Variants in SMAD5 observed in about 807,000 individuals in gnomAD.
SMAD5 encodes the protein SMAD family member 5.
In SMAD5, 9 loss-of-function variants were observed where a neutral mutation model predicts 43.1. That is an observed-to-expected ratio of 0.21 (90% CI 0.13 to 0.36). The LOEUF is 0.36. Ranked by LOEUF, SMAD5 falls within the 10% of genes least tolerant of loss-of-function variation. SMAD5 has a pLI of 1.00. For synonymous variants in SMAD5, 190 were observed against 192.4 expected (o/e 0.99, Z 0.10); for missense variants, 348 against 574.0 (o/e 0.61, Z 4.02).
intron 3 of SMAD5, among the ~76,000 whole-genome samples, chr5:136,159,240 A>G (rs1440061710): frequency 1.3e-5 from 2 of 152,196 alleles, no homozygotes; most frequent in African/African-American, 2.4e-5. Context: ...ATGCTGCCTC[A>G]TTTGCCCTAA....
At chr5:136,135,024 T>G (rs1752826993) in intron 1 of SMAD5, 1 of 152,150 alleles carries the variant, frequency 6.6e-6, no homozygotes, top group Non-Finnish European at 1.5e-5. Flanking sequence ...GAATAAAATA[T>G]TTTCGTAGGT....
At chr5:136,163,189 T>C in intron 4 of SMAD5, 83 bp from the exon 5 acceptor site, 1 of 1,211,496 alleles carries the variant, frequency 8.3e-7, no homozygotes, top group Non-Finnish European at 1.1e-6. Flanking sequence ...AGCTTGCTGG[T>C]AATCTTAAGA....
Position 136,153,986 on chromosome 5 carries a change from C to T in SMAD5, c.226C>T (p.Leu76=). ...TATTCCCAGATCTTTAGATGGACGC[C>T]TGCAGGTTTCTCACAGAAAAGGCTT... ...VTIPRSLDGR[L]QVSHRKGLPH... The change falls in exon 3 of 8, where the codon CTG becomes TTG. Residue 76 remains leucine, a synonymous_variant. Coordinates refer to ENST00000545279, the MANE Select transcript of SMAD5 (RefSeq NM_005903.7). 1 of 1,610,278 alleles carries T rather than the reference C, an allele frequency of 6.2e-7. No homozygotes were observed. Among genetic ancestry groups the T allele is most frequent in the East Asian group, 2.2e-5 (1 of 44,864 alleles).
At chr5:136,149,871 A>G (rs996787266) in intron 2 of SMAD5, among the ~76,000 whole-genome samples, 1 of 151,846 alleles carries the variant, frequency 6.6e-6, no homozygotes, top group African/African-American at 2.4e-5. Flanking sequence ...TGCTAGTTTT[A>G]CTAGTAAGAG....
At chr5:136,155,825 T>A (rs1225510567) in intron 3 of SMAD5, among the ~76,000 whole-genome samples, 1 of 152,192 alleles carries the variant, frequency 6.6e-6, no homozygotes, top group East Asian at 1.9e-4. Context: ...CATTACTCTA[T>A]CCTTAGTGCT....
Position 136,172,515 on chromosome 5 carries a change from C to T in SMAD5, c.857C>T (p.Ala286Val), listed in dbSNP as rs1431197573. 6.2e-7 allele frequency: 1 copy of T among 1,612,200 alleles called. No individual in the cohort carries two copies. Residue 286 changes from alanine to valine, a missense_variant, in exon 6 of 8, where the codon GCT becomes GTT. By Grantham distance (64) the Ala-to-Val change is moderately conservative (BLOSUM62 0). This residue lies in a region of SMAD5 where 185 missense variants were observed against 207.0 expected (regional missense o/e 0.89). Transcript: ENST00000545279. ...YYELNNRVGE[A>V]FHASSTSVLV... ...GAATTAAACAATCGTGTTGGAGAAGCTTTTCATGCATCTTCTACTAGTGTG... is the reference window on the plus strand; with the variant it reads ...GAATTAAACAATCGTGTTGGAGAAGTTTTTCATGCATCTTCTACTAGTGTG...
Position 136,177,808 on chromosome 5 carries a change from A to T in SMAD5, c.*328A>T, listed in dbSNP as rs940649449. ...TTAAATTTATTTGAAAATGCATCAC[A>T]TGATGAAAAATTATAGTAGCTTATA... On this transcript the variant is annotated 3_prime_UTR_variant, in exon 8 of 8. Coordinates refer to ENST00000545279, the MANE Select transcript of SMAD5 (RefSeq NM_005903.7). 4.8e-6 allele frequency: 1 copy of T among 210,344 alleles called. No homozygotes were observed. The highest frequency in any genetic ancestry group is 2.3e-5 in the African/African-American group (1 of 42,626). The allele number at this position is 210,344 out of a possible 1,614,324, so 13.0% of individuals were successfully genotyped here.
chr5:136,148,443 A>G (rs1753338783), intron 2 of SMAD5, among the ~76,000 whole-genome samples: 1 of 151,834 alleles, frequency 6.6e-6, no homozygotes, highest in Non-Finnish European at 1.5e-5. Context: ...ACTACAAAAA[A>G]GCACAAACTC....
At chr5:136,139,262 A>C (rs564311067) in intron 1 of SMAD5, among the ~76,000 whole-genome samples, 1 of 152,042 alleles carries the variant, frequency 6.6e-6, no homozygotes, top group Admixed American at 6.6e-5. Context: ...TAGTACTTCC[A>C]TAACCTTAGG....
Position 136,172,415 on chromosome 5 carries a change from G to C in SMAD5, c.776-19G>C, listed in dbSNP as rs1754260338. On this transcript the variant is annotated intron_variant, in intron 5 of 7. Coordinates refer to ENST00000545279, the MANE Select transcript of SMAD5 (RefSeq NM_005903.7). The stretch of plus-strand genomic sequence containing the variant: ...TTCTGATATGTATTAAACTCTTTCT[G>C]TGTCTGGTTTGTTCACAGATGTTCA... The C allele has an allele frequency of 6.9e-7, 1 of 1,445,116 alleles. No individual in the cohort carries two copies. The highest frequency in any genetic ancestry group is 9.7e-7 in the Non-Finnish European group (1 of 1,034,288). The allele number at this position is 1,445,116 out of a possible 1,614,324, so 89.5% of individuals were successfully genotyped here. A position where few individuals can be genotyped will look rare whatever the true frequency, so the allele number is the denominator to read the frequency against.
intron 6 of SMAD5, among the ~76,000 whole-genome samples, chr5:136,173,279 G>A (rs1459507591): frequency 6.6e-6 from 1 of 152,154 alleles, no homozygotes; most frequent in African/African-American, 2.4e-5. Flanking sequence ...AAATGTCAAA[G>A]TCTCATGCAT....
Position 136,174,399 on chromosome 5 carries a change from G to A in SMAD5, c.1021G>A (p.Gly341Arg). ...AGGTGTTCATCTGTACTATGTTGGT[G>A]GAGAGGTGTATGCGGAATGCCTCAG... The part of the protein sequence containing the change: ...GKGVHLYYVG[G>R]EVYAECLSDS... The change falls in exon 7 of 8, where the codon GGA (glycine) becomes AGA (arginine). Residue 341 changes from glycine (G) to arginine (R), a missense_variant. Transcript: ENST00000545279. 3 of 1,613,722 alleles carry A rather than the reference G, an allele frequency of 1.9e-6. No individual in the cohort carries two copies. Among genetic ancestry groups the A allele is most frequent in the Non-Finnish European group, 2.5e-6 (3 of 1,179,650 alleles).
intron 5 of SMAD5, among the ~76,000 whole-genome samples, chr5:136,167,558 A>T (rs1196944852): frequency 1.3e-5 from 2 of 152,102 alleles, no homozygotes; most frequent in Admixed American, 6.5e-5. Flanking sequence ...CAGGCAGATC[A>T]TCTGAGGCTC....
Position 136,161,114 on chromosome 5 carries a change from C to T in SMAD5, c.655+7C>T, listed in dbSNP as rs1561651164. 1 of 1,602,278 alleles carries T rather than the reference C, an allele frequency of 6.2e-7. No individual in the cohort carries two copies. Among genetic ancestry groups the T allele is most frequent in the Non-Finnish European group, 8.5e-7 (1 of 1,176,618 alleles). ...AGTCCATTTCAGCTCCCAGGTAAGACTTTATTTTATTGATACCAAAAAAAA... is the reference window on the plus strand; with the variant it reads ...AGTCCATTTCAGCTCCCAGGTAAGATTTTATTTTATTGATACCAAAAAAAA... On this transcript the variant is annotated splice_region_variant and intron_variant, in intron 4 of 7. Transcript: ENST00000545279.
At chr5:136,172,912 A>T in intron 6 of SMAD5, 1 of 463,298 alleles carries the variant, frequency 2.2e-6, no homozygotes, top group Admixed American at 3.6e-5. Flanking sequence ...TGTTACCCTG[A>T]CTGGAACATA....
chr5:136,162,630 C>T (rs923140876), intron 4 of SMAD5, among the ~76,000 whole-genome samples: 1 of 152,156 alleles, frequency 6.6e-6, no homozygotes, highest in South Asian at 2.1e-4. Flanking sequence ...TTTATAATTA[C>T]TGAGACAAAA....
intron 1 of SMAD5, among the ~76,000 whole-genome samples, chr5:136,136,024 C>T (rs1343163545): frequency 1.3e-5 from 2 of 152,284 alleles, no homozygotes; most frequent in East Asian, 1.9e-4. Flanking sequence ...AGGAATGATT[C>T]TTGTCTCCAC....
At chr5:136,151,969 C>T (rs969715107) in intron 2 of SMAD5, among the ~76,000 whole-genome samples, 2 of 152,066 alleles carry the variant, frequency 1.3e-5, no homozygotes, top group Admixed American at 1.3e-4. Flanking sequence ...ACACTTTATA[C>T]TCTGTGACCT....
intron 5 of SMAD5, among the ~76,000 whole-genome samples, chr5:136,170,165 C>A (rs1754165808): frequency 6.6e-6 from 1 of 152,028 alleles, no homozygotes; most frequent in South Asian, 2.1e-4. Context: ...ATCATCATAC[C>A]AGAAGTCATC....
Sources: allele counts gnomAD v4.1 joint callset (sites outside exome capture counted in the v4.1 genomes callset), GRCh38; gene constraint gnomAD v4.1.1; regional missense constraint gnomAD v4.1.1; transcripts MANE v1.5; gene names NCBI Gene and HGNC (gene_info 2026-07-23, HGNC 2026-07-21).